MED4: variants seen among roughly 807,000 people sequenced by gnomAD.
MED4 encodes mediator complex subunit 4.
In MED4, 21 loss-of-function variants were observed where a neutral mutation model predicts 35.0. The observed-to-expected ratio is 0.60, with a 90% CI of 0.43 to 0.86. MED4 has a LOEUF of 0.86. Among genes scored for constraint, MED4 ranks in the 40% least tolerant of loss-of-function variants. The probability of loss-of-function intolerance (pLI) is 0.00; values close to 1 mark genes in which losing one functional copy is unlikely to be tolerated. For synonymous variants in MED4, 138 were observed against 114.0 expected (o/e 1.21, Z -1.34); for missense variants, 300 against 319.4 (o/e 0.94, Z 0.46).
intron 1 of MED4, among the ~76,000 whole-genome samples, chr13:48,091,303 T>C (rs1362211114): frequency 6.6e-6 from 1 of 152,204 alleles, no homozygotes; most frequent in Non-Finnish European, 1.5e-5. Context: ...AAAATAAGAT[T>C]GGGAAAAATG....
At position 48,095,023 on chromosome 13, in the gene MED4, C is replaced by G. The variant is rs555675219; in HGVS notation, c.56G>C (p.Gly19Ala). Residue 19 changes from glycine to alanine, a missense_variant, in exon 1 of 7, where the codon GGA (glycine) becomes GCA (alanine). Gly to Ala is a moderately conservative substitution (Grantham distance 60, BLOSUM62 0). Transcript: ENST00000258648. Reference protein sequence around the residue: ...KEKERLGGGLGVAGGNSTRER... With the variant: ...KEKERLGGGLAVAGGNSTRER... The stretch of plus-strand genomic sequence containing the variant: ...TCGTGTGCTGTTACCACCCGCCACT[C>G]CCAAACCGCCTCCCAGCCGCTCCTT... 5.0e-6 allele frequency: 8 copies of G among 1,606,320 alleles called. No individual in the cohort carries two copies. The Admixed American group carries it at 8.3e-5, about 17-fold the overall frequency.
chr13:48,092,127 G>A (rs1387044161), intron 1 of MED4, among the ~76,000 whole-genome samples: 1 of 152,078 alleles, frequency 6.6e-6, no homozygotes, highest in Non-Finnish European at 1.5e-5. Flanking sequence ...TATTTTTTGA[G>A]ATGGAGTTTT....
At chr13:48,087,414 A>AT (rs1407992180) in intron 2 of MED4, among the ~76,000 whole-genome samples, 1 of 152,130 alleles carries the variant, frequency 6.6e-6, no homozygotes, top group African/African-American at 2.4e-5. Context: ...AAAATTTGGT[A>AT]TTTGAGATGA....
chr13:48,079,953 T>A lies in MED4; in HGVS notation c.531A>T (p.Pro177=). The change falls in exon 6 of 7, where the codon CCA becomes CCT. Residue 177 remains proline (P), a synonymous_variant. Transcript: ENST00000258648. ...ACCCACTTCTCATCTCTAAATCAGT[T>A]GGGTAGGGTCTCCGGGGGTCCCCTA... ...WVPGDPRRPY[P]TDLEMRSGLL... is the part of the protein sequence containing the mutation. 1 of 1,613,884 alleles carries A rather than the reference T, an allele frequency of 6.2e-7. No homozygotes were observed. The highest frequency in any genetic ancestry group is 1.1e-5 in the South Asian group (1 of 91,062).
At chr13:48,094,247 C>G (rs1224702118) in intron 1 of MED4, among the ~76,000 whole-genome samples, 2 of 152,120 alleles carry the variant, frequency 1.3e-5, no homozygotes, top group East Asian at 3.8e-4. Context: ...TGGAGCGACA[C>G]TTTAGGAGGT....
At chr13:48,090,189 A>G (rs1324887570) in intron 2 of MED4, among the ~76,000 whole-genome samples, 163 bp downstream of exon 2, 1 of 152,206 alleles carries the variant, frequency 6.6e-6, no homozygotes, top group Non-Finnish European at 1.5e-5. Context: ...TAAATGATAC[A>G]AAGAAAATAC....
chr13:48,090,291 GTT>G (rs893438647), intron 2 of MED4, 59 bp downstream of exon 2: 3 of 1,330,150 alleles, frequency 2.3e-6, no homozygotes, highest in African/African-American at 1.5e-5. Context: ...CAGAAATCAA[GTT>G]TTTTTCTTTT....
intron 4 of MED4, among the ~76,000 whole-genome samples, chr13:48,082,186 TA>T (rs201634766): frequency 1.3e-4 from 16 of 127,214 alleles, no homozygotes; most frequent in Non-Finnish European, 1.6e-4. Flanking sequence ...ATTCATTAGG[TA>T]AAAAAAAAAA....
intron 1 of MED4, among the ~76,000 whole-genome samples, chr13:48,091,896 A>G (rs1306474786): frequency 6.6e-6 from 1 of 152,170 alleles, no homozygotes; most frequent in East Asian, 1.9e-4. Context: ...GACACGGATT[A>G]AATGAGAGAA....
chr13:48,089,146 A>T (rs954072722), intron 2 of MED4, among the ~76,000 whole-genome samples: 1 of 151,952 alleles, frequency 6.6e-6, no homozygotes, highest in Admixed American at 6.6e-5. Flanking sequence ...AGAGACTAGT[A>T]GTCTTCTATT....
chr13:48,084,799 G>GT lies in MED4; in HGVS notation c.364-1372dup, dbSNP rs143029871. Among the ~76,000 whole-genome samples the GT allele has an allele frequency of 4.3e-4, 65 of 151,600 alleles. No homozygotes were observed. In the East Asian group the frequency reaches 0.013, roughly 29 times the overall value. ...TTTCTGAATTTTGTTTGATAAGCAA[G>GT]TATTACATACATAAGGATTTTTATA... On this transcript the variant is annotated intron_variant, in intron 3 of 6. Transcript: ENST00000258648.
chr13:48,087,231 G>A (rs886678309), intron 2 of MED4, among the ~76,000 whole-genome samples: 1 of 151,954 alleles, frequency 6.6e-6, no homozygotes, highest in Non-Finnish European at 1.5e-5. Context: ...TGGGCGTGGT[G>A]GTGCATGCCT....
Position 48,086,336 on chromosome 13 carries a change from T to C in MED4, c.309A>G (p.Arg103=), listed in dbSNP as rs1360246042. 1.2e-6 allele frequency: 2 copies of C among 1,613,924 alleles called. No individual in the cohort carries two copies. Among genetic ancestry groups the C allele is most frequent in the Non-Finnish European group, 1.7e-6 (2 of 1,179,924 alleles). Residue 103 remains arginine (R), a synonymous_variant, in exon 3 of 7, where the codon AGA becomes AGG. Transcript: ENST00000258648. ...MQVLEKEVEK[R]DSDIQQLQKQ... is the part of the protein sequence containing the mutation. ...TTTGTAGCTGCTGAATATCACTGTC[T>C]CTCTTCTCTACTTCTTTTTCTAAAA...
chr13:48,086,122 T>G (rs1478412366), intron 3 of MED4, among the ~76,000 whole-genome samples, 160 bp downstream of exon 3: 1 of 152,158 alleles, frequency 6.6e-6, no homozygotes, highest in African/African-American at 2.4e-5. Context: ...AGAATGACAA[T>G]AGCCTTTCAT....
chr13:48,077,887 T>G (rs1421453851), intron 6 of MED4, among the ~76,000 whole-genome samples: 1 of 152,168 alleles, frequency 6.6e-6, no homozygotes, highest in African/African-American at 2.4e-5. Context: ...AATTACAAAT[T>G]TTTCCTGTAT....
chr13:48,078,411 T>C (rs1428860698), intron 6 of MED4, among the ~76,000 whole-genome samples: 2 of 152,182 alleles, frequency 1.3e-5, no homozygotes, highest in Non-Finnish European at 2.9e-5. Context: ...TGATGCCTGG[T>C]TGGTGTGCAG....
intron 2 of MED4, among the ~76,000 whole-genome samples, chr13:48,087,578 G>A (rs958216481): frequency 3.3e-5 from 5 of 151,994 alleles, no homozygotes; most frequent in African/African-American, 1.2e-4. Context: ...TCGGCCAGGC[G>A]CAGTGGCTCA....
chr13:48,077,307 G>A lies in MED4; in HGVS notation c.645C>T (p.Val215=). The A allele has an allele frequency of 1.4e-6, 2 of 1,467,268 alleles. No homozygotes were observed. The highest frequency in any genetic ancestry group is 9.0e-7 in the Non-Finnish European group (1 of 1,111,888). The allele number at this position is 1,467,268 out of a possible 1,614,324, so 90.9% of individuals were successfully genotyped here. ...ACTGCCATGGATACTGTGGAGCAAG[G>A]ACATCTGGAGAAAAAAAGAAGCATA... ...DALAAGRLPD[V]LAPQYPWQSN... The change falls in exon 7 of 7, where the codon GTC becomes GTT. Residue 215 remains valine, a synonymous_variant. Transcript: ENST00000258648.
rs761703244 is a variant in MED4, at chr13:48,086,431, G to A, written c.214C>T (p.Arg72Ter). 9.3e-6 allele frequency: 15 copies of A among 1,613,004 alleles called. No individual in the cohort carries two copies. In the East Asian group the frequency reaches 1.1e-4, roughly 12 times the overall value. ...ENQVLELLIH[R>*]DGEFQELMKL... ...ATTAGTTCTTGAAATTCCCCATCTC[G>A]GTGAATTAACAACTCCAGGACCTGT... Residue 72 changes from arginine (R) to a stop codon, truncating the protein, a stop_gained, in exon 3 of 7, where the codon CGA becomes TGA. Transcript: ENST00000258648. LOFTEE classifies it high-confidence loss of function.
Sources: gnomAD v4.1 joint callset for allele counts (sites outside exome capture counted in the v4.1 genomes callset) on GRCh38, gnomAD v4.1.1 for gene constraint, MANE v1.5 for transcripts, NCBI Gene and HGNC (gene_info 2026-07-23, HGNC 2026-07-21) for gene names.